Variants in NCKAP1L observed in about 807,000 individuals in gnomAD.
NCKAP1L encodes NCK associated protein 1 like.
Under a neutral mutation model 139.2 loss-of-function variants are expected in NCKAP1L, and 53 were observed. The ratio of observed to expected loss-of-function variants is 0.38; its 90% confidence interval spans 0.31 to 0.48. The LOEUF is 0.48. Ranked by LOEUF, NCKAP1L falls within the 20% of genes least tolerant of loss-of-function variation. The pLI is 0.98. For synonymous variants in NCKAP1L, 468 were observed against 499.7 expected (o/e 0.94, Z 0.85); for missense variants, 1,151 against 1,381.9 (o/e 0.83, Z 2.65).
intron 30 of NCKAP1L, 131 bp from the exon 31 acceptor site, chr12:54,542,444 G>T (rs1390399994): frequency 4.8e-5 from 33 of 693,678 alleles, no homozygotes; most frequent in East Asian, 2.3e-4. Flanking sequence ...GAAGAGGGGG[G>T]TGTGATTTGG....
At chr12:54,522,690 G>A (rs544869248) in intron 18 of NCKAP1L, among the ~76,000 whole-genome samples, 1 of 152,294 alleles carries the variant, frequency 6.6e-6, no homozygotes, top group South Asian at 2.1e-4. Context: ...CCTTGTGTGG[G>A]TCTTATGCTG....
chr12:54,535,165 C>A lies in NCKAP1L; in HGVS notation c.2924C>A (p.Ala975Asp), dbSNP rs758761478. The change falls in exon 27 of 31, where the codon GCC becomes GAC. Residue 975 changes from alanine (A) to aspartate (D), a missense_variant. Coordinates refer to ENST00000293373, the MANE Select transcript of NCKAP1L (RefSeq NM_005337.5). Reference sequence around the variant, plus strand: ...GGTGTGGGCTGTGACATTGACCCAGCCTTGGTGGCTGCCATTGCTAATCTG... The same window carrying A: ...GGTGTGGGCTGTGACATTGACCCAGACTTGGTGGCTGCCATTGCTAATCTG... ...AAGVGCDIDP[A>D]LVAAIANLKA... 1 of 1,613,594 alleles carries A rather than the reference C, an allele frequency of 6.2e-7. No individual in the cohort carries two copies. The highest frequency in any genetic ancestry group is 2.2e-5 in the East Asian group (1 of 44,854).
At chr12:54,517,974 A>G (rs1448595835) in intron 13 of NCKAP1L, 36 bp downstream of exon 13, 1 of 1,611,380 alleles carries the variant, frequency 6.2e-7, no homozygotes, top group South Asian at 1.1e-5. Context: ...TGGAAATTTC[A>G]GGATGATCCC....
At chr12:54,538,265 C>T (rs182846787) in intron 29 of NCKAP1L, among the ~76,000 whole-genome samples, 39 of 152,302 alleles carry the variant, frequency 2.6e-4, no homozygotes, top group African/African-American at 8.9e-4. Flanking sequence ...TGGCTCTCAG[C>T]ATCTTAAATG....
At position 54,545,958 on chromosome 12, in the gene NCKAP1L, G is replaced by A. The variant is rs1306399930; in HGVS notation, c.*3273G>A. The A allele has an allele frequency of 6.6e-6, 1 of 152,240 alleles. No individual in the cohort carries two copies. The highest frequency in any genetic ancestry group is 1.9e-4 in the East Asian group (1 of 5,194). 9.4% of individuals were successfully genotyped at this position (152,240 alleles called of 1,614,324 possible). ...TCAAAGTGCAGAAGGAACTGGGTGT[G>A]GTGGCTCACCCCTGTAATCCCAGCA... On this transcript the variant is annotated 3_prime_UTR_variant, in exon 31 of 31. Transcript: ENST00000293373.
At chr12:54,527,531 T>C (rs1957035967) in intron 21 of NCKAP1L, among the ~76,000 whole-genome samples, 1 of 152,196 alleles carries the variant, frequency 6.6e-6, no homozygotes, top group Admixed American at 6.5e-5. Flanking sequence ...AATCCTTATA[T>C]TTTATGTAAA....
At chr12:54,528,213 A>T in intron 21 of NCKAP1L, 34 bp from the exon 22 acceptor site, 1 of 1,610,108 alleles carries the variant, frequency 6.2e-7, no homozygotes, top group Non-Finnish European at 8.5e-7. Flanking sequence ...AAGGGATTGG[A>T]TCCTAATCTA....
intron 3 of NCKAP1L, among the ~76,000 whole-genome samples, chr12:54,503,282 G>A (rs1244274516): frequency 2.0e-5 from 3 of 151,898 alleles, no homozygotes; most frequent in Non-Finnish European, 4.4e-5. Context: ...TTTAAATAAT[G>A]AGCATGTATT....
At chr12:54,529,091 T>C (rs1465860919) in intron 22 of NCKAP1L, among the ~76,000 whole-genome samples, 1 of 152,236 alleles carries the variant, frequency 6.6e-6, no homozygotes, top group Admixed American at 6.5e-5. Flanking sequence ...ATAACAGCCT[T>C]GGGGTATAAT....
At chr12:54,508,870 G>C (rs1956863590) in intron 5 of NCKAP1L, among the ~76,000 whole-genome samples, 1 of 152,154 alleles carries the variant, frequency 6.6e-6, no homozygotes, top group South Asian at 2.1e-4. Context: ...GTATGCACGG[G>C]ATATTGGCAT....
At chr12:54,529,535 G>GA (rs1957051716) in intron 22 of NCKAP1L, among the ~76,000 whole-genome samples, 1 of 152,178 alleles carries the variant, frequency 6.6e-6, no homozygotes, top group Non-Finnish European at 1.5e-5. Flanking sequence ...GGGGTGCTAA[G>GA]AAAGCCAAAG....
chr12:54,506,781 A>G (rs1311067005), intron 3 of NCKAP1L, among the ~76,000 whole-genome samples: 1 of 78,900 alleles, frequency 1.3e-5, no homozygotes, highest in Non-Finnish European at 2.6e-5. Context: ...TTTTGGCAAC[A>G]TATTAAAAAA....
chr12:54,499,949 C>T (rs751606656), intron 2 of NCKAP1L, among the ~76,000 whole-genome samples: 23 of 152,082 alleles, frequency 1.5e-4, no homozygotes, highest in Non-Finnish European at 2.6e-4. Flanking sequence ...TATATCTGTT[C>T]ATCTGAAAGG....
At chr12:54,541,085 G>A (rs1034345655) in intron 30 of NCKAP1L, among the ~76,000 whole-genome samples, 1 of 152,222 alleles carries the variant, frequency 6.6e-6, no homozygotes, top group Non-Finnish European at 1.5e-5. Context: ...GCACCTCAGT[G>A]TTGCCAGTCT....
chr12:54,500,726 T>TGA, intron 3 of NCKAP1L, 101 bp downstream of exon 3: 1 of 778,482 alleles, frequency 1.3e-6, no homozygotes, highest in East Asian at 2.5e-5. Context: ...CTTGAAAAAA[T>TGA]GAGAGAGATG....
rs1380286697 is a variant in NCKAP1L, at chr12:54,545,633, G to A, written c.*2948G>A. 1 of 152,226 alleles carries A rather than the reference G, an allele frequency of 6.6e-6. No individual in the cohort carries two copies. The highest frequency in any genetic ancestry group is 1.9e-4 in the East Asian group (1 of 5,198). The allele number at this position is 152,226 out of a possible 1,614,324, so 9.4% of individuals were successfully genotyped here. A position where few individuals can be genotyped will look rare whatever the true frequency, so the allele number is the denominator to read the frequency against. On this transcript the variant is annotated 3_prime_UTR_variant, in exon 31 of 31. Transcript: ENST00000293373. ...CCTCTTACAACCTGGGAAAAAATAA[G>A]TTGTGTCCCAGGTTGTAAGTTTGCT...
intron 21 of NCKAP1L, among the ~76,000 whole-genome samples, chr12:54,527,121 A>G (rs1419514927): frequency 1.3e-5 from 2 of 152,138 alleles, no homozygotes; most frequent in Admixed American, 6.5e-5. Flanking sequence ...TCTGAAAACC[A>G]TCTGCCTACT....
At position 54,535,193 on chromosome 12, in the gene NCKAP1L, A is replaced by C. The variant is rs1957104943; in HGVS notation, c.2952A>C (p.Lys984Asn). ...TGGTGGCTGCCATTGCTAATCTGAA[A>C]GCTGGTAAGATTGGGGAAAGGGGGC... Reference protein sequence around the residue: ...PALVAAIANLKADTSSPEEEY... With the variant: ...PALVAAIANLNADTSSPEEEY... Residue 984 changes from lysine (K) to asparagine (N), a missense_variant, in exon 27 of 31, where the codon AAA becomes AAC. Coordinates refer to ENST00000293373, the MANE Select transcript of NCKAP1L (RefSeq NM_005337.5). The C allele has an allele frequency of 6.2e-7, 1 of 1,613,220 alleles. No individual in the cohort carries two copies. The highest frequency in any genetic ancestry group is 8.5e-7 in the Non-Finnish European group (1 of 1,179,380).
rs563107114 is a variant in NCKAP1L at position 54,516,407 on chromosome 12, A to G, written c.998+112A>G. On this transcript the variant is annotated intron_variant, in intron 10 of 30. Transcript: ENST00000293373. ...CTGTACAGCTTTATTGCCTCAACCC[A>G]AGAACTTGCTGCTACCCCATAAATT... is the stretch of plus-strand genomic sequence containing the variant. The G allele has an allele frequency of 7.3e-6, 7 of 955,804 alleles. No homozygotes were observed. In the African/African-American group the frequency reaches 9.8e-5, roughly 13 times the overall value. The allele number at this position is 955,804 out of a possible 1,614,324, so 59.2% of individuals were successfully genotyped here.
Sources: gnomAD v4.1 joint callset for allele counts (sites outside exome capture counted in the v4.1 genomes callset) on GRCh38, gnomAD v4.1.1 for gene constraint, MANE v1.5 for transcripts, NCBI Gene and HGNC (gene_info 2026-07-23, HGNC 2026-07-21) for gene names.